Variants in ARL6IP6 observed in about 807,000 individuals in gnomAD.
ARL6IP6 encodes the protein ARF like GTPase 6 interacting protein 6, also known as ADP-ribosylation factor-like protein 6-interacting protein 6.
In ARL6IP6, 22 loss-of-function variants were observed where a neutral mutation model predicts 21.5. The ratio of observed to expected loss-of-function variants is 1.02; its 90% CI spans 0.73 to 1.46. The LOEUF is 1.46. Ranked by LOEUF, ARL6IP6 falls within the 40% of genes most tolerant of loss-of-function variation. The pLI, the probability that ARL6IP6 is intolerant of heterozygous loss-of-function variation, is 0.00. For missense variants in ARL6IP6, 388 were observed against 299.8 expected, an observed-to-expected ratio of 1.29 and a Z score of -2.17; for synonymous variants, 164 against 125.3, an observed-to-expected ratio of 1.31 and a Z score of -2.06.
At chr2:152,741,935 G>A (rs555993672) in intron 3 of ARL6IP6, among the ~76,000 whole-genome samples, 11 of 152,276 alleles carry the variant, frequency 7.2e-5, no homozygotes, top group African/African-American at 2.4e-4. Context: ...GTTATTAAAG[G>A]TTTGTTAACA....
intron 2 of ARL6IP6, among the ~76,000 whole-genome samples, chr2:152,725,019 A>G (rs999770537): frequency 2.4e-4 from 37 of 152,298 alleles, no homozygotes; most frequent in African/African-American, 8.4e-4. Flanking sequence ...GTCAGTGTAC[A>G]CTGTACAATC....
chr2:152,730,361 CCAAA>C (rs1170024419), intron 2 of ARL6IP6, among the ~76,000 whole-genome samples: 1 of 152,004 alleles, frequency 6.6e-6, no homozygotes, highest in East Asian at 1.9e-4. Flanking sequence ...ATAGCAGTCC[CCAAA>C]CACTTTATTT....
At chr2:152,748,420 A>G (rs568567294) in intron 3 of ARL6IP6, among the ~76,000 whole-genome samples, 6 of 152,224 alleles carry the variant, frequency 3.9e-5, no homozygotes, top group Admixed American at 2.0e-4. Context: ...TAGTGTTAAG[A>G]TCTTTTGATT....
intron 3 of ARL6IP6, among the ~76,000 whole-genome samples, chr2:152,736,497 T>G (rs902759672): frequency 1.3e-5 from 2 of 152,204 alleles, no homozygotes; most frequent in Non-Finnish European, 2.9e-5. Flanking sequence ...TCTTATTCAT[T>G]GTATTTGTCT....
At chr2:152,754,887 C>T (rs986490702) in intron 3 of ARL6IP6, among the ~76,000 whole-genome samples, 1 of 152,078 alleles carries the variant, frequency 6.6e-6, no homozygotes, top group African/African-American at 2.4e-5. Flanking sequence ...GGCGGCAAGC[C>T]ACCCAGGTGC....
At chr2:152,729,591 C>T (rs1382717833) in intron 2 of ARL6IP6, among the ~76,000 whole-genome samples, 4 of 151,970 alleles carry the variant, frequency 2.6e-5, no homozygotes, top group Admixed American at 6.6e-5. Context: ...ACACACACAA[C>T]AGAACTGTGG....
At chr2:152,750,270 T>G (rs1306578963) in intron 3 of ARL6IP6, among the ~76,000 whole-genome samples, 1 of 152,048 alleles carries the variant, frequency 6.6e-6, no homozygotes, top group African/African-American at 2.4e-5. Context: ...GGTTAGGAGT[T>G]CCAGACCAGC....
intron 2 of ARL6IP6, among the ~76,000 whole-genome samples, chr2:152,730,328 T>G (rs1231386339): frequency 6.6e-6 from 1 of 152,204 alleles, no homozygotes; most frequent in Non-Finnish European, 1.5e-5. Flanking sequence ...CTTTCCTCAC[T>G]TATCTAGAAG....
upstream of ARL6IP6, chr2:152,718,342 G>C (rs146606779): frequency 2.8e-6 from 1 of 355,174 alleles, no homozygotes; most frequent in African/African-American, 2.1e-5. Flanking sequence ...GCAGGGAGTG[G>C]ATACTCGACA....
At chr2:152,732,216 A>T (rs1375490774) in intron 2 of ARL6IP6, among the ~76,000 whole-genome samples, 4 of 152,074 alleles carry the variant, frequency 2.6e-5, no homozygotes, top group Admixed American at 2.6e-4. Flanking sequence ...AAGTTACTGG[A>T]GTAAAGAACA....
chr2:152,719,860 T>C, intron 1 of ARL6IP6: 1 of 466,202 alleles, frequency 2.1e-6, no homozygotes, highest in South Asian at 1.6e-5. Flanking sequence ...ATTAAATCTA[T>C]TTAACTCCAG....
chr2:152,760,005 GT>G lies in ARL6IP6; in HGVS notation c.*169del, dbSNP rs758724708. ...ATTATGGAAGACCTTTTAAAGCATT[GT>G]TTTAGAATGTCTGAGTATTAAGATA... On this transcript the variant is annotated 3_prime_UTR_variant, in exon 4 of 4. Transcript: ENST00000326446. The G allele has an allele frequency of 5.3e-6, 3 of 564,970 alleles. No homozygotes were observed. The highest frequency in any genetic ancestry group is 3.8e-5 in the African/African-American group (2 of 53,042). The allele number at this position is 564,970 out of a possible 1,614,324, so 35.0% of individuals were successfully genotyped here.
At chr2:152,721,582 CTT>C (rs1475932958) in intron 2 of ARL6IP6, among the ~76,000 whole-genome samples, 1 of 152,234 alleles carries the variant, frequency 6.6e-6, no homozygotes, top group Non-Finnish European at 1.5e-5. Context: ...GGAGATCAAA[CTT>C]AATCACTCTA....
At chr2:152,750,344 C>T (rs906479750) in intron 3 of ARL6IP6, among the ~76,000 whole-genome samples, 4 of 151,732 alleles carry the variant, frequency 2.6e-5, no homozygotes, top group East Asian at 1.9e-4. Flanking sequence ...CATGGTGACA[C>T]GTGTGTTTGT....
In ARL6IP6 at chr2:152,759,871, C is replaced by T. The variant is rs776026049; in HGVS notation, c.*31C>T. 6.5e-7 allele frequency: 1 copy of T among 1,550,210 alleles called. No individual in the cohort carries two copies. Among genetic ancestry groups the T allele is most frequent in the Non-Finnish European group, 8.9e-7 (1 of 1,122,650 alleles). ...CACTGGAGCGATATTGTTGGCAAAA[C>T]TTAATCATGATTGTTTTGTAATAAC... is the stretch of plus-strand genomic sequence containing the variant. On this transcript the variant is annotated 3_prime_UTR_variant, in exon 4 of 4. Transcript: ENST00000326446.
At position 152,761,442 on chromosome 2, in the gene ARL6IP6, C is replaced by T. The variant is rs1701840469; in HGVS notation, c.*1602C>T. ...TAACAGAATCAATTTATCTTCTCTC[C>T]ACCACTCTGTATTCCCACGCACCAC... is the stretch of plus-strand genomic sequence containing the variant. On this transcript the variant is annotated 3_prime_UTR_variant, in exon 4 of 4. Coordinates refer to ENST00000326446, the MANE Select transcript of ARL6IP6 (RefSeq NM_152522.7). 6.6e-6 allele frequency among the ~76,000 whole-genome samples: 1 copy of T among 152,104 alleles called. No homozygotes were observed. Among genetic ancestry groups the T allele is most frequent in the Non-Finnish European group, 1.5e-5 (1 of 68,026 alleles).
chr2:152,725,338 G>A (rs564849046), intron 2 of ARL6IP6, among the ~76,000 whole-genome samples: 1 of 152,068 alleles, frequency 6.6e-6, no homozygotes, highest in East Asian at 1.9e-4. Flanking sequence ...TAATTATGAT[G>A]GAATTAGGAT....
Position 152,762,199 on chromosome 2 carries a change from A to G in ARL6IP6, c.*2359A>G, listed in dbSNP as rs1438736873. ...TCTTCCCAGGATTTTTCAGCTTGAAATTAAGATGTGACGAAGCTGGGAAAA... is the reference window on the plus strand; with the variant it reads ...TCTTCCCAGGATTTTTCAGCTTGAAGTTAAGATGTGACGAAGCTGGGAAAA... On this transcript the variant is annotated 3_prime_UTR_variant, in exon 4 of 4. Transcript: ENST00000326446. Among the ~76,000 whole-genome samples, 1 of 152,184 alleles carries G rather than the reference A, an allele frequency of 6.6e-6. No individual in the cohort carries two copies.
chr2:152,740,326 T>A (rs73005607), intron 3 of ARL6IP6, among the ~76,000 whole-genome samples: 6,327 of 152,128 alleles, frequency 0.042, 275 homozygotes, highest in African/African-American at 0.11. Flanking sequence ...CCCAAAACCC[T>A]GAGTTCAAGC....
Sources: allele counts gnomAD v4.1 joint callset (sites outside exome capture counted in the v4.1 genomes callset), GRCh38; gene constraint gnomAD v4.1.1; transcripts MANE v1.5; gene names NCBI Gene and HGNC (gene_info 2026-07-23, HGNC 2026-07-21).